CNTNAP5: variants seen among roughly 807,000 people sequenced by gnomAD.
CNTNAP5 encodes contactin-associated protein-like 5.
Under a neutral mutation model 150.2 loss-of-function variants are expected in CNTNAP5, and 72 were observed. The observed-to-expected ratio is 0.48, with a 90% CI of 0.40 to 0.58. The LOEUF (loss-of-function observed/expected upper bound fraction) is 0.58, where lower values mean the gene tolerates loss of function less well. CNTNAP5 is among the 20% of genes least tolerant of loss of function. CNTNAP5 has a pLI of 0.00. For missense variants in CNTNAP5, 1,636 were observed against 1,626.2 expected, an observed-to-expected ratio of 1.01 and a Z score of -0.10; for synonymous variants, 672 against 619.8, an observed-to-expected ratio of 1.08 and a Z score of -1.25.
chr2:124,166,498 T>C (rs1487487043), intron 1 of CNTNAP5, among the ~76,000 whole-genome samples: 1 of 152,174 alleles, frequency 6.6e-6, no homozygotes, highest in East Asian at 1.9e-4. Flanking sequence ...CAGCTTAGAC[T>C]AGTTGATACT....
At position 124,914,445 on chromosome 2, in the gene CNTNAP5, T is replaced by C. The variant is rs1678721037; in HGVS notation, c.*157T>C. On this transcript the variant is annotated 3_prime_UTR_variant, in exon 24 of 24. Transcript: ENST00000682447. ...TCCACCACAGCATCAATTCCCTTGA[T>C]CCAGCCCAAGAGACCAGGCAGCCAT... 1.6e-6 allele frequency: 1 copy of C among 635,320 alleles called. No homozygotes were observed. The highest frequency in any genetic ancestry group is 1.9e-5 in the African/African-American group (1 of 54,022). The allele number at this position is 635,320 out of a possible 1,614,324, so 39.4% of individuals were successfully genotyped here.
chr2:124,607,273 T>C (rs1288658895), intron 11 of CNTNAP5, among the ~76,000 whole-genome samples: 1 of 152,094 alleles, frequency 6.6e-6, no homozygotes, highest in African/African-American at 2.4e-5. Flanking sequence ...AGGGCTGCTT[T>C]CGTTTTAAGG....
chr2:124,322,629 G>T (rs553213721), intron 3 of CNTNAP5, among the ~76,000 whole-genome samples: 2 of 152,202 alleles, frequency 1.3e-5, no homozygotes, highest in Non-Finnish European at 2.9e-5. Context: ...TAATTATTTA[G>T]TAGAGCTGTT....
At chr2:124,242,115 G>A (rs1310971459) in intron 2 of CNTNAP5, 85 bp from the exon 3 acceptor site, 1 of 1,126,172 alleles carries the variant, frequency 8.9e-7, no homozygotes, top group Non-Finnish European at 1.3e-6. Flanking sequence ...GTTGAACACT[G>A]TTTCATTTCC....
chr2:124,673,666 A>C (rs1678868157), intron 13 of CNTNAP5, among the ~76,000 whole-genome samples: 1 of 152,010 alleles, frequency 6.6e-6, no homozygotes, highest in South Asian at 2.1e-4. Context: ...AACTATGGGC[A>C]TTACGTAATT....
intron 21 of CNTNAP5, among the ~76,000 whole-genome samples, chr2:124,888,603 A>G (rs1239948869): frequency 6.6e-6 from 1 of 152,022 alleles, no homozygotes; most frequent in African/African-American, 2.4e-5. Context: ...AGCCTCATCA[A>G]TGTTTGTTGT....
intron 21 of CNTNAP5, among the ~76,000 whole-genome samples, chr2:124,893,824 C>A (rs1166660082): frequency 6.6e-6 from 1 of 152,076 alleles, no homozygotes; most frequent in Non-Finnish European, 1.5e-5. Context: ...GGTCATTCAA[C>A]TTAGGCTCTC....
At chr2:124,169,008 C>T (rs952334366) in intron 1 of CNTNAP5, among the ~76,000 whole-genome samples, 1 of 152,180 alleles carries the variant, frequency 6.6e-6, no homozygotes, top group African/African-American at 2.4e-5. Context: ...TTCCTTGAAT[C>T]ACGATGCCCA....
At chr2:124,672,309 T>A (rs1414257556) in intron 13 of CNTNAP5, among the ~76,000 whole-genome samples, 1 of 152,218 alleles carries the variant, frequency 6.6e-6, no homozygotes, top group Non-Finnish European at 1.5e-5. Context: ...CCAAAGACAG[T>A]TGCATTCTGA....
At chr2:124,486,102 C>T (rs140019862) in intron 7 of CNTNAP5, among the ~76,000 whole-genome samples, 2 of 152,232 alleles carry the variant, frequency 1.3e-5, no homozygotes, top group African/African-American at 4.8e-5. Flanking sequence ...TATATATGAA[C>T]CATGGAATAC....
chr2:124,560,226 G>T (rs1695856700), intron 10 of CNTNAP5, among the ~76,000 whole-genome samples: 1 of 152,258 alleles, frequency 6.6e-6, no homozygotes, highest in South Asian at 2.1e-4. Flanking sequence ...TTAAAGTGGG[G>T]CAGGTGCCAT....
rs990975194 is a variant in CNTNAP5, at chr2:124,916,650, A to C, written c.*2362A>C. ...CTAACTCAGAGTATTTGATTTTCTC[A>C]TCTAAGTATATATGCTTGTAGATTG... is the stretch of plus-strand genomic sequence containing the variant. On this transcript the variant is annotated 3_prime_UTR_variant, in exon 24 of 24. Coordinates refer to ENST00000682447, the MANE Select transcript of CNTNAP5 (RefSeq NM_001367498.1). Among the ~76,000 whole-genome samples, 2 of 152,058 alleles carry C rather than the reference A, an allele frequency of 1.3e-5. No individual in the cohort carries two copies. The highest frequency in any genetic ancestry group is 4.8e-5 in the African/African-American group (2 of 41,438).
At chr2:124,308,357 C>A (rs901445995) in intron 3 of CNTNAP5, among the ~76,000 whole-genome samples, 17 of 152,242 alleles carry the variant, frequency 1.1e-4, no homozygotes, top group Non-Finnish European at 2.2e-4. Flanking sequence ...TTCTTTATTA[C>A]CTGCTCAGCT....
At chr2:124,169,451 G>A (rs1342012633) in intron 1 of CNTNAP5, among the ~76,000 whole-genome samples, 2 of 152,164 alleles carry the variant, frequency 1.3e-5, no homozygotes, top group African/African-American at 4.8e-5. Flanking sequence ...GAAAACTTTA[G>A]TATGGGCAAA....
chr2:124,351,709 T>C (rs564159171), intron 3 of CNTNAP5, among the ~76,000 whole-genome samples: 2 of 152,296 alleles, frequency 1.3e-5, no homozygotes, highest in South Asian at 4.1e-4. Context: ...TGGCCAAGTT[T>C]AGTTAAAAGA....
At chr2:124,094,645 G>T (rs1682892603) in intron 1 of CNTNAP5, among the ~76,000 whole-genome samples, 1 of 152,176 alleles carries the variant, frequency 6.6e-6, no homozygotes, top group Admixed American at 6.5e-5. Flanking sequence ...TAAAAACACT[G>T]CTGTATAGAG....
At chr2:124,110,423 C>T (rs554601484) in intron 1 of CNTNAP5, among the ~76,000 whole-genome samples, 4 of 151,992 alleles carry the variant, frequency 2.6e-5, no homozygotes, top group African/African-American at 4.8e-5. Context: ...AAAAAAAGGC[C>T]GGTTTTTCAA....
At chr2:124,677,324 C>T (rs1174408004) in intron 13 of CNTNAP5, among the ~76,000 whole-genome samples, 2 of 152,172 alleles carry the variant, frequency 1.3e-5, no homozygotes, top group African/African-American at 4.8e-5. Flanking sequence ...GTGAGTGTTA[C>T]AGCTCATAAA....
intron 4 of CNTNAP5, among the ~76,000 whole-genome samples, chr2:124,422,300 ACT>A (rs776725856): frequency 9.2e-5 from 14 of 152,112 alleles, no homozygotes; most frequent in Non-Finnish European, 1.8e-4. Context: ...TTCAGACTTA[ACT>A]CTCTACATTT....
Sources: gnomAD v4.1 joint callset for allele counts (sites outside exome capture counted in the v4.1 genomes callset) on GRCh38, gnomAD v4.1.1 for gene constraint, MANE v1.5 for transcripts, NCBI Gene and HGNC (gene_info 2026-07-23, HGNC 2026-07-21) for gene names.